The following NLGN2 variants were observed in gnomAD, a reference collection of about 807,000 sequenced individuals.
NLGN2 encodes the protein neuroligin-2.
Under a neutral mutation model 48.6 loss-of-function variants are expected in NLGN2, and 11 were observed. That is an observed-to-expected ratio of 0.23 (90% confidence interval 0.14 to 0.37). The LOEUF is 0.37. NLGN2 is among the 10% of genes least tolerant of loss of function. NLGN2 has a pLI of 1.00. For missense variants in NLGN2, 801 were observed against 1,225.2 expected (o/e 0.65, Z 5.17); for synonymous variants, 548 against 550.0 (o/e 1.00, Z 0.05).
intron 1 of NLGN2, among the ~76,000 whole-genome samples, chr17:7,409,668 C>A (rs1202250034): frequency 6.6e-6 from 1 of 152,092 alleles, no homozygotes; most frequent in East Asian, 1.9e-4. Flanking sequence ...ATGTTTCCAG[C>A]AACCTTACAC....
In NLGN2 at chr17:7,412,183, G is replaced by A; in HGVS notation, c.484G>A (p.Ala162Thr). 1.2e-6 allele frequency: 2 copies of A among 1,613,090 alleles called. No homozygotes were observed. The highest frequency in any genetic ancestry group is 1.1e-5 in the South Asian group (1 of 91,024). ...DGPLTKKRDE[A>T]TLNPPDTDIR... ...TCCGCTCACAAAAAAACGTGACGAG[G>A]CGACGCTCAATCCGCCAGACACAGG... The change falls in exon 2 of 7, where the codon GCG (alanine) becomes ACG (threonine). Residue 162 changes from alanine to threonine, a missense_variant. Around this residue, in one of 5 missense-constraint regions of NLGN2, gnomAD observed 56 missense variants for 100.0 expected, o/e 0.56. Transcript: ENST00000302926.
intron 5 of NLGN2, 22 bp downstream of exon 5, chr17:7,415,170 G>T (rs1288003756): frequency 1.6e-5 from 25 of 1,568,842 alleles, no homozygotes; most frequent in Non-Finnish European, 2.2e-5. Context: ...GAGAGGGCTG[G>T]GTCCAGGCCT....
At chr17:7,414,572 C>G in intron 3 of NLGN2, 79 bp downstream of exon 3, 7 of 1,611,074 alleles carry the variant, frequency 4.3e-6, no homozygotes, top group African/African-American at 1.3e-5. Flanking sequence ...CCACATCCAG[C>G]AGAATGGCTT....
Position 7,418,478 on chromosome 17 carries a change from G to C in NLGN2, c.*679G>C, listed in dbSNP as rs1462091303. 1 of 152,250 alleles carries C rather than the reference G, an allele frequency of 6.6e-6. No individual in the cohort carries two copies. The highest frequency in any genetic ancestry group is 2.4e-5 in the African/African-American group (1 of 41,448). 9.4% of individuals were successfully genotyped at this position (152,250 alleles called of 1,614,324 possible). On this transcript the variant is annotated 3_prime_UTR_variant, in exon 7 of 7. Coordinates refer to ENST00000302926, the MANE Select transcript of NLGN2 (RefSeq NM_020795.4). ...GAGGACAGACACAGATTTCCTGCTG[G>C]GGGAGGGAGGAGTCCACGCATCCTG...
chr17:7,417,842 G>GGCCACTCC lies in NLGN2; in HGVS notation c.*45_*52dup. 1 of 1,349,936 alleles carries GGCCACTCC rather than the reference G, an allele frequency of 7.4e-7. No individual in the cohort carries two copies. Among genetic ancestry groups the GGCCACTCC allele is most frequent in the South Asian group, 2.1e-5 (1 of 47,368 alleles). 83.6% of individuals were successfully genotyped at this position (1,349,936 alleles called of 1,614,324 possible). A position where few individuals can be genotyped will look rare whatever the true frequency, so the allele number is the denominator to read the frequency against. On this transcript the variant is annotated 3_prime_UTR_variant, in exon 7 of 7. Coordinates refer to ENST00000302926, the MANE Select transcript of NLGN2 (RefSeq NM_020795.4). ...CCTCCTCCCCGGCCCTCCCTGGCCC[G>GGCCACTCC]GCCACTCCGAAGGCAGGGAGGAGGA...
At chr17:7,409,554 C>A (rs899992007) in intron 1 of NLGN2, among the ~76,000 whole-genome samples, 2 of 152,018 alleles carry the variant, frequency 1.3e-5, no homozygotes, top group Non-Finnish European at 2.9e-5. Flanking sequence ...CTCACAAACA[C>A]CCCCCTGCAC....
chr17:7,417,052 A>C lies in NLGN2; in HGVS notation c.1761A>C (p.Pro587=). The C allele has an allele frequency of 6.2e-7, 1 of 1,614,114 alleles. No homozygotes were observed. Among genetic ancestry groups the C allele is most frequent in the South Asian group, 1.1e-5 (1 of 91,086 alleles). The change falls in exon 7 of 7, where the codon CCA becomes CCC. Residue 587 remains proline (P), a synonymous_variant. Coordinates refer to ENST00000302926, the MANE Select transcript of NLGN2 (RefSeq NM_020795.4). ...AGTATCTGCACATAGGCCTGAAGCC[A>C]CGCGTGCGTGACAACTACCGCGCCA... ...EKQYLHIGLK[P]RVRDNYRANK... is the part of the protein sequence containing the mutation.
chr17:7,409,365 C>T (rs1319358917), intron 1 of NLGN2, among the ~76,000 whole-genome samples: 1 of 152,072 alleles, frequency 6.6e-6, no homozygotes, highest in African/African-American at 2.4e-5. Context: ...TTCCCTGGGG[C>T]TCTTGAATTT....
intron 1 of NLGN2, among the ~76,000 whole-genome samples, chr17:7,410,677 C>G (rs1906844856): frequency 6.6e-6 from 1 of 152,224 alleles, no homozygotes; most frequent in South Asian, 2.1e-4. Context: ...AGTTGTCCAC[C>G]CCTGCCCCCA....
intron 5 of NLGN2, 124 bp downstream of exon 5, chr17:7,415,272 C>T (rs374742468): frequency 2.1e-6 from 2 of 944,746 alleles, no homozygotes; most frequent in Non-Finnish European, 3.1e-6. Flanking sequence ...AAGTGGCCTC[C>T]TCTTGCAAGC....
At chr17:7,406,040 G>A (rs964218984), upstream of NLGN2, among the ~76,000 whole-genome samples, 1 of 152,172 alleles carries the variant, frequency 6.6e-6, no homozygotes, top group Non-Finnish European at 1.5e-5. Flanking sequence ...GAGAAAATGG[G>A]GGAGACAGTG....
chr17:7,414,231 C>G, intron 2 of NLGN2, 113 bp from the exon 3 acceptor site: 1 of 955,974 alleles, frequency 1.0e-6, no homozygotes, highest in South Asian at 1.4e-5. Flanking sequence ...GACATGTCCC[C>G]TGAGCTCCAG....
rs947668841 is a variant in NLGN2 at position 7,413,031 on chromosome 17, G to A, written c.508+824G>A. Among the ~76,000 whole-genome samples, 36 of 152,258 alleles carry A rather than the reference G, an allele frequency of 2.4e-4. No homozygotes were observed. The highest frequency in any genetic ancestry group is 1.9e-3 in the Admixed American group (29 of 15,298). On this transcript the variant is annotated intron_variant, in intron 2 of 6. Coordinates refer to ENST00000302926, the MANE Select transcript of NLGN2 (RefSeq NM_020795.4). The surrounding 1 kb of genome is among the most constrained non-coding windows in gnomAD (Gnocchi z 4.9). ...CACACTGGGAGAGGGGTGGGGTGAG[G>A]ATGGGAGAACTGAGGACAATTAGGA...
chr17:7,408,248 C>T lies in NLGN2; in HGVS notation c.-8C>T. 2.3e-6 allele frequency: 3 copies of T among 1,278,164 alleles called. No individual in the cohort carries two copies. The highest frequency in any genetic ancestry group is 3.0e-6 in the Non-Finnish European group (3 of 1,010,662). 79.2% of individuals were successfully genotyped at this position (1,278,164 alleles called of 1,614,324 possible). A position where few individuals can be genotyped will look rare whatever the true frequency, so the allele number is the denominator to read the frequency against. The stretch of plus-strand genomic sequence containing the variant: ...TCCCAGGGAGGGAGGGGGGGTCCCC[C>T]GATCAGCATGTGGCTCCTGGCGCTG... On this transcript the variant is annotated 5_prime_UTR_variant, in exon 1 of 7. Coordinates refer to ENST00000302926, the MANE Select transcript of NLGN2 (RefSeq NM_020795.4). The surrounding 1 kb of genome is among the most constrained non-coding windows in gnomAD (Gnocchi z 7.5).
upstream of NLGN2, chr17:7,405,114 G>T: frequency 7.9e-6 from 1 of 127,064 alleles, no homozygotes; most frequent in African/African-American, 2.9e-5. The surrounding 1 kb of genome is among the most constrained non-coding windows in gnomAD (Gnocchi z 6.8). Context: ...CCTCACGCCC[G>T]CCCTCGGGAT....
rs766969799 is a variant in NLGN2 at position 7,415,746 on chromosome 17, G to C, written c.1273G>C (p.Asp425His). The change falls in exon 6 of 7, where the codon GAT becomes CAT. Residue 425 changes from aspartate to histidine, a missense_variant. By Grantham distance (81) the Asp-to-His change is moderately conservative (BLOSUM62 -1). Around this residue, in one of 5 missense-constraint regions of NLGN2, gnomAD observed 303 missense variants for 600.1 expected, o/e 0.50. Transcript: ENST00000302926. ...CCTGTATGGCTACCCGGAAGGCAAGGATGTGCTTCGGGAGACCATCAAGTT... is the reference window on the plus strand; with the variant it reads ...CCTGTATGGCTACCCGGAAGGCAAGCATGTGCTTCGGGAGACCATCAAGTT... ...DNLYGYPEGK[D>H]VLRETIKFMY... is the part of the protein sequence containing the mutation. The C allele has an allele frequency of 6.2e-7, 1 of 1,614,158 alleles. No individual in the cohort carries two copies. Among genetic ancestry groups the C allele is most frequent in the Non-Finnish European group, 8.5e-7 (1 of 1,180,060 alleles).
Position 7,408,448 on chromosome 17 carries a change from C to G in NLGN2, c.193C>G (p.Pro65Ala). The G allele has an allele frequency of 6.4e-7, 1 of 1,566,618 alleles. No homozygotes were observed. Among genetic ancestry groups the G allele is most frequent in the Non-Finnish European group, 8.6e-7 (1 of 1,160,636 alleles). Reference protein sequence around the residue: ...RRELNNEILGPVVQFLGVPYA... With the variant: ...RRELNNEILGAVVQFLGVPYA... ...CGAGCTCAACAACGAGATCCTGGGC[C>G]CCGTCGTGCAGTTCTTGGGCGTGCC... is the stretch of plus-strand genomic sequence containing the variant. The change falls in exon 1 of 7, where the codon CCC (proline) becomes GCC (alanine). Residue 65 changes from proline (P) to alanine (A), a missense_variant. Around this residue, in one of 5 missense-constraint regions of NLGN2, gnomAD observed 164 missense variants for 186.2 expected, o/e 0.88. Coordinates refer to ENST00000302926, the MANE Select transcript of NLGN2 (RefSeq NM_020795.4). This position sits in a 1 kb window ranked among gnomAD's most constrained non-coding sequence, Gnocchi z 7.5.
Position 7,413,974 on chromosome 17 carries a change from C to G in NLGN2, c.509-370C>G, listed in dbSNP as rs914976928. 6.6e-6 allele frequency among the ~76,000 whole-genome samples: 1 copy of G among 152,114 alleles called. No individual in the cohort carries two copies. The highest frequency in any genetic ancestry group is 1.5e-5 in the Non-Finnish European group (1 of 68,004). ...GCAGCTCCAGCTCCAGTTCTAGCCT[C>G]GGGAGCTTGCTCTTCCCAGGGACAG... is the stretch of plus-strand genomic sequence containing the variant. On this transcript the variant is annotated intron_variant, in intron 2 of 6. Coordinates refer to ENST00000302926, the MANE Select transcript of NLGN2 (RefSeq NM_020795.4). The surrounding 1 kb of genome is among the most constrained non-coding windows in gnomAD (Gnocchi z 4.9).
At chr17:7,412,578 C>G (rs1479103201) in intron 2 of NLGN2, among the ~76,000 whole-genome samples, 1 of 151,690 alleles carries the variant, frequency 6.6e-6, no homozygotes, top group Non-Finnish European at 1.5e-5. Flanking sequence ...TTGAAAAAAC[C>G]AATTTGAAAT....
Sources: allele counts gnomAD v4.1 joint callset (sites outside exome capture counted in the v4.1 genomes callset), GRCh38; gene constraint gnomAD v4.1.1; regional missense constraint gnomAD v4.1.1; non-coding constraint Gnocchi (gnomAD v3.1); transcripts MANE v1.5; gene names NCBI Gene and HGNC (gene_info 2026-07-23, HGNC 2026-07-21).